CLASP1: variants seen among roughly 807,000 people sequenced by gnomAD.
CLASP1 encodes CLIP-associating protein 1.
Under a neutral mutation model 192.3 loss-of-function variants are expected in CLASP1, and 38 were observed. The observed-to-expected ratio is 0.20, with a 90% CI of 0.15 to 0.26. The LOEUF (loss-of-function observed/expected upper bound fraction) is 0.26. Among genes scored for constraint, CLASP1 ranks in the 10% least tolerant of loss-of-function variants. The pLI is 1.00. For synonymous variants in CLASP1, 691 were observed against 712.8 expected, an observed-to-expected ratio of 0.97 and a Z score of 0.49; for missense variants, 1,433 against 1,932.5, an observed-to-expected ratio of 0.74 and a Z score of 4.85.
At chr2:121,363,381 C>A (rs2066772780) in intron 36 of CLASP1, 81 bp from the exon 38 acceptor site, 9 of 1,557,330 alleles carry the variant, frequency 5.8e-6, no homozygotes, top group South Asian at 1.2e-5. Context: ...GTCGGCAAGG[C>A]CAAGCACCCA....
At chr2:121,601,118 A>C (rs1324854005) in intron 2 of CLASP1, among the ~76,000 whole-genome samples, 3 of 152,208 alleles carry the variant, frequency 2.0e-5, no homozygotes, top group Non-Finnish European at 4.4e-5. Context: ...CATTTGAGTC[A>C]GTTTCCAATT....
chr2:121,527,812 C>A (rs1234114153), exon 5 of CLASP1: 1 of 1,613,412 alleles, frequency 6.2e-7, no homozygotes, highest in Non-Finnish European at 8.5e-7. Context: ...TTGAGTGTTG[C>A]TATAAGGCAG....
intron 2 of CLASP1, among the ~76,000 whole-genome samples, chr2:121,595,824 T>A (rs1204657878): frequency 4.6e-5 from 7 of 152,222 alleles, no homozygotes; most frequent in Non-Finnish European, 1.0e-4. Flanking sequence ...TTCCTCAGAT[T>A]TTATGAGTAT....
At position 121,437,248 on chromosome 2, in the gene CLASP1, C is replaced by A. The variant is rs150573539; in HGVS notation, c.1913-7071G>T. Among the ~76,000 whole-genome samples the A allele has an allele frequency of 1.5e-3, 230 of 152,268 alleles. 1 individual carries two copies. The highest frequency in any genetic ancestry group is 5.4e-3 in the African/African-American group (223 of 41,550). Reference sequence around the variant, plus strand: ...AAATTCCTAAGATTACAGGTGTGAGCCACTGTGCCTGACCACTTTTTGATT... The same window carrying A: ...AAATTCCTAAGATTACAGGTGTGAGACACTGTGCCTGACCACTTTTTGATT... On this transcript the variant is annotated intron_variant, in intron 19 of 39. Transcript: ENST00000263710.
At chr2:121,443,852 T>C (rs2083818609) in intron 19 of CLASP1, among the ~76,000 whole-genome samples, 1 of 152,202 alleles carries the variant, frequency 6.6e-6, no homozygotes, top group Admixed American at 6.5e-5. Flanking sequence ...AAAAAATCCA[T>C]TCCTATCTTT....
intron 1 of CLASP1, among the ~76,000 whole-genome samples, chr2:121,641,417 G>A (rs75959467): frequency 0.037 from 5,646 of 151,532 alleles, 160 homozygotes; most frequent in East Asian, 0.14. Context: ...GCACACAACT[G>A]TTTAAAGAAA....
intron 1 of CLASP1, among the ~76,000 whole-genome samples, chr2:121,615,582 G>A (rs1415541947): frequency 5.3e-5 from 8 of 151,944 alleles, no homozygotes; most frequent in Admixed American, 1.3e-4. Context: ...GGGGAAGTTC[G>A]AGACCAACCT....
chr2:121,428,388 T>G (rs1291496811), intron 20 of CLASP1, among the ~76,000 whole-genome samples: 1 of 152,250 alleles, frequency 6.6e-6, no homozygotes, highest in Non-Finnish European at 1.5e-5. Context: ...CAAAATTACA[T>G]GCTTAGGCAT....
intron 2 of CLASP1, among the ~76,000 whole-genome samples, chr2:121,535,160 T>C (rs538511511): frequency 1.3e-5 from 2 of 152,298 alleles, no homozygotes; most frequent in East Asian, 3.9e-4. Context: ...GCACCTGTGG[T>C]CCCAGCTGCT....
chr2:121,639,015 G>T (rs556820637), intron 1 of CLASP1, among the ~76,000 whole-genome samples: 1 of 152,222 alleles, frequency 6.6e-6, no homozygotes, highest in African/African-American at 2.4e-5. Flanking sequence ...GGTGGCTCAC[G>T]CCTGTAATCC....
At chr2:121,483,628 A>G (rs1431492293) in intron 8 of CLASP1, among the ~76,000 whole-genome samples, 1 of 151,774 alleles carries the variant, frequency 6.6e-6, no homozygotes, top group Non-Finnish European at 1.5e-5. Flanking sequence ...ATTTTCTCCA[A>G]TTAATATTAA....
intron 2 of CLASP1, among the ~76,000 whole-genome samples, chr2:121,543,622 T>C (rs2095274761): frequency 6.6e-6 from 1 of 152,148 alleles, no homozygotes; most frequent in South Asian, 2.1e-4. Context: ...AGAGTCTCCC[T>C]AGACTCCTCC....
At chr2:121,633,004 G>T (rs1576629599) in intron 1 of CLASP1, among the ~76,000 whole-genome samples, 1 of 116,132 alleles carries the variant, frequency 8.6e-6, no homozygotes, top group Non-Finnish European at 1.7e-5. Flanking sequence ...ATGTATGTGT[G>T]TGCATATATA....
chr2:121,511,887 C>T (rs1223990915), intron 7 of CLASP1, among the ~76,000 whole-genome samples: 1 of 152,162 alleles, frequency 6.6e-6, no homozygotes, highest in African/African-American at 2.4e-5. Flanking sequence ...TGTCTCAGAG[C>T]AATTTATCAT....
At chr2:121,398,149 T>TA (rs1417437234) in intron 29 of CLASP1, among the ~76,000 whole-genome samples, 173 bp downstream of exon 30, 1 of 152,174 alleles carries the variant, frequency 6.6e-6, no homozygotes, top group Non-Finnish European at 1.5e-5. Flanking sequence ...AACCAGCAAA[T>TA]ACACTACTAG....
chr2:121,568,348 T>G (rs1009326145), intron 2 of CLASP1, among the ~76,000 whole-genome samples: 1 of 151,958 alleles, frequency 6.6e-6, no homozygotes, highest in Non-Finnish European at 1.5e-5. Context: ...TCAGTGGCCT[T>G]CAGAGCCCCT....
At position 121,387,923 on chromosome 2, in the gene CLASP1, T is replaced by C. The variant is rs753901777; in HGVS notation, c.3124-17A>G. On this transcript the variant is annotated splice_polypyrimidine_tract_variant and intron_variant, in intron 30 of 39. Transcript: ENST00000263710. Reference sequence around the variant, plus strand: ...CTGTGCTGCCTAGAAAAAGGAACCATGATTAATTTATGTAATGTACAATAG... The same window carrying C: ...CTGTGCTGCCTAGAAAAAGGAACCACGATTAATTTATGTAATGTACAATAG... 2 of 1,592,274 alleles carry C rather than the reference T, an allele frequency of 1.3e-6. No individual in the cohort carries two copies. Among genetic ancestry groups the C allele is most frequent in the East Asian group, 2.2e-5 (1 of 44,736 alleles).
chr2:121,466,501 C>T (rs191978743), intron 9 of CLASP1, among the ~76,000 whole-genome samples: 3 of 152,246 alleles, frequency 2.0e-5, no homozygotes, highest in Non-Finnish European at 4.4e-5. Flanking sequence ...TCTTTTTTGG[C>T]TCATGGGATT....
At chr2:121,598,519 C>G (rs1045659604) in intron 2 of CLASP1, among the ~76,000 whole-genome samples, 1 of 152,220 alleles carries the variant, frequency 6.6e-6, no homozygotes, top group African/African-American at 2.4e-5. Flanking sequence ...TAGGTACTAT[C>G]TGGGTTTTAA....
Sources: gnomAD v4.1 joint callset for allele counts (sites outside exome capture counted in the v4.1 genomes callset) on GRCh38, gnomAD v4.1.1 for gene constraint, MANE v1.5 for transcripts, NCBI Gene and HGNC (gene_info 2026-07-23, HGNC 2026-07-21) for gene names.